Variants in TLE1 observed in about 807,000 individuals in gnomAD.
TLE1 encodes the protein transducin-like enhancer protein 1.
Under a neutral mutation model 89.8 loss-of-function variants are expected in TLE1, and 21 were observed. The ratio of observed to expected loss-of-function variants is 0.23; its 90% confidence interval spans 0.17 to 0.34. The LOEUF (loss-of-function observed/expected upper bound fraction) is 0.34. Among genes scored for constraint, TLE1 ranks in the 10% least tolerant of loss-of-function variants. The pLI is 1.00. For synonymous variants in TLE1, 447 were observed against 407.6 expected (o/e 1.10, Z -1.16); for missense variants, 795 against 1,031.2 (o/e 0.77, Z 3.14).
chr9:81,627,911 T>C (rs1826095612), intron 8 of TLE1, among the ~76,000 whole-genome samples: 1 of 152,068 alleles, frequency 6.6e-6, no homozygotes, highest in Admixed American at 6.6e-5. Flanking sequence ...GTGTAATGTG[T>C]ATTTTAAAAA....
intron 6 of TLE1, among the ~76,000 whole-genome samples, chr9:81,637,147 C>T (rs1176481232): frequency 6.6e-6 from 1 of 152,022 alleles, no homozygotes; most frequent in Non-Finnish European, 1.5e-5. Context: ...CACTTGAGGT[C>T]AGGAGTTTGA....
chr9:81,633,539 C>T, intron 7 of TLE1, 175 bp from the exon 8 acceptor site: 1 of 789,386 alleles, frequency 1.3e-6, no homozygotes, highest in Non-Finnish European at 2.0e-6. Context: ...CTGAAAATTA[C>T]AGTATTTTGT....
At chr9:81,674,883 G>T (rs960906424) in intron 4 of TLE1, among the ~76,000 whole-genome samples, 1 of 152,256 alleles carries the variant, frequency 6.6e-6, no homozygotes, top group Non-Finnish European at 1.5e-5. Flanking sequence ...CGCCAGGTGT[G>T]GTGGCTCACA....
At chr9:81,666,991 G>C (rs1433225001) in intron 4 of TLE1, among the ~76,000 whole-genome samples, 2 of 151,718 alleles carry the variant, frequency 1.3e-5, no homozygotes, top group Non-Finnish European at 2.9e-5. Flanking sequence ...GTGGTGGTGT[G>C]GCCTATAGTC....
At chr9:81,594,680 C>G (rs1246347063) in intron 14 of TLE1, among the ~76,000 whole-genome samples, 1 of 152,088 alleles carries the variant, frequency 6.6e-6, no homozygotes, top group Non-Finnish European at 1.5e-5. Context: ...TTCCCATTAC[C>G]CTCGAGAAAG....
At chr9:81,587,889 G>A in intron 16 of TLE1, 61 bp from the exon 17 acceptor site, 2 of 870,722 alleles carry the variant, frequency 2.3e-6, no homozygotes, top group South Asian at 3.1e-5. Flanking sequence ...AAACACTGTT[G>A]TGTTGTTAGT....
chr9:81,593,171 T>C lies in TLE1; in HGVS notation c.1435A>G (p.Asn479Asp), dbSNP rs1200666460. Residue 479 changes from asparagine to aspartate, a missense_variant, in exon 15 of 20, where the codon AAC becomes GAC. Coordinates refer to ENST00000376499, the MANE Select transcript of TLE1 (RefSeq NM_005077.5). ...ACCACCTCCCCGTGGTTGAGGGTGT[T>C]GATCTGGCGAGCATGCCGGGGGATT... ...PGIPRHARQI[N>D]TLNHGEVVCA... 8 of 1,613,826 alleles carry C rather than the reference T, an allele frequency of 5.0e-6. No individual in the cohort carries two copies. In the South Asian group the frequency reaches 8.8e-5, roughly 18 times the overall value.
At chr9:81,635,197 G>C (rs1165459969) in intron 6 of TLE1, among the ~76,000 whole-genome samples, 1 of 152,126 alleles carries the variant, frequency 6.6e-6, no homozygotes, top group African/African-American at 2.4e-5. Flanking sequence ...CATTAGAAAC[G>C]AAACTTTGTT....
chr9:81,648,480 AT>A (rs1184491702), intron 6 of TLE1, among the ~76,000 whole-genome samples: 1 of 152,202 alleles, frequency 6.6e-6, no homozygotes, highest in Non-Finnish European at 1.5e-5. Flanking sequence ...GCATTTCACT[AT>A]ATTACAATTA....
intron 4 of TLE1, among the ~76,000 whole-genome samples, chr9:81,675,698 G>GTTTGTTTTTTTTTT (rs1554701835): frequency 2.3e-5 from 3 of 129,666 alleles, no homozygotes; most frequent in African/African-American, 9.9e-5. Flanking sequence ...ACTCACACTA[G>GTTTGTTTTTTTTTT]TTTTTTTTTG....
At chr9:81,612,112 C>T (rs886089128) in intron 12 of TLE1, among the ~76,000 whole-genome samples, 153 bp from the exon 13 acceptor site, 4 of 152,134 alleles carry the variant, frequency 2.6e-5, no homozygotes, top group Non-Finnish European at 5.9e-5. Flanking sequence ...CCAATTTATA[C>T]ACTGGATCCC....
intron 4 of TLE1, among the ~76,000 whole-genome samples, chr9:81,672,322 AATTATTATT>A (rs534539630): frequency 1.1e-4 from 16 of 150,426 alleles, no homozygotes; most frequent in East Asian, 7.8e-4. Flanking sequence ...CCCTGCAATA[AATTATTATT>A]ATTATTATTA....
At chr9:81,667,627 T>G (rs998203844) in intron 4 of TLE1, among the ~76,000 whole-genome samples, 2 of 152,042 alleles carry the variant, frequency 1.3e-5, no homozygotes, top group African/African-American at 4.8e-5. Flanking sequence ...GGCTCCAATT[T>G]TGATATATGT....
rs572411757 is a variant in TLE1 at position 81,595,544 on chromosome 9, C to T, written c.1332-2270G>A. Among the ~76,000 whole-genome samples the T allele has an allele frequency of 9.2e-5, 14 of 152,204 alleles. No individual in the cohort carries two copies. The South Asian group carries it at 1.0e-3, about 11-fold the overall frequency. Reference sequence around the variant, plus strand: ...ATAAAATTAAACAATTGAGGCTGGGCGCGGTGGCTCACGCCTGTAATCCCA... The same window carrying T: ...ATAAAATTAAACAATTGAGGCTGGGTGCGGTGGCTCACGCCTGTAATCCCA... On this transcript the variant is annotated intron_variant, in intron 14 of 19. Transcript: ENST00000376499.
chr9:81,677,825 T>C (rs1337923957), intron 4 of TLE1, among the ~76,000 whole-genome samples: 1 of 152,142 alleles, frequency 6.6e-6, no homozygotes, highest in Non-Finnish European at 1.5e-5. Flanking sequence ...TATCCATTAG[T>C]ACACTGGGAA....
chr9:81,671,602 G>A (rs922352645), intron 4 of TLE1, among the ~76,000 whole-genome samples: 1 of 150,882 alleles, frequency 6.6e-6, no homozygotes, highest in South Asian at 2.1e-4. Context: ...CCAAGATTGC[G>A]CCACTACACT....
intron 4 of TLE1, among the ~76,000 whole-genome samples, chr9:81,677,410 G>A (rs1476270545): frequency 1.3e-5 from 2 of 150,586 alleles, no homozygotes; most frequent in South Asian, 2.1e-4. Flanking sequence ...CTAAAAATAC[G>A]AAAAATTAGC....
intron 12 of TLE1, chr9:81,612,459 C>T: frequency 6.4e-6 from 5 of 777,090 alleles, no homozygotes; most frequent in Non-Finnish European, 6.3e-6. Flanking sequence ...TCCTTTGGGC[C>T]CAGGTTGTTG....
At chr9:81,662,647 A>G (rs889009009) in intron 4 of TLE1, among the ~76,000 whole-genome samples, 11 of 151,628 alleles carry the variant, frequency 7.3e-5, no homozygotes, top group African/African-American at 2.7e-4. Flanking sequence ...GCAGTGAGCC[A>G]AGATCGCACC....
Sources: allele counts gnomAD v4.1 joint callset (sites outside exome capture counted in the v4.1 genomes callset), GRCh38; gene constraint gnomAD v4.1.1; transcripts MANE v1.5; gene names NCBI Gene and HGNC (gene_info 2026-07-23, HGNC 2026-07-21).